R3HDM1: variants seen among roughly 807,000 people sequenced by gnomAD.
R3HDM1 encodes the protein R3H domain containing 1.
Under a neutral mutation model 141.1 loss-of-function variants are expected in R3HDM1, and 46 were observed. The ratio of observed to expected loss-of-function variants is 0.33; its 90% confidence interval spans 0.26 to 0.42. The LOEUF (loss-of-function observed/expected upper bound fraction) is 0.42, where lower values mean the gene tolerates loss of function less well. Ranked by LOEUF, R3HDM1 falls within the 10% of genes least tolerant of loss-of-function variation. The probability of loss-of-function intolerance (pLI) is 1.00; values close to 1 mark genes in which losing one functional copy is unlikely to be tolerated. For synonymous variants in R3HDM1, 435 were observed against 472.9 expected, an observed-to-expected ratio of 0.92 and a Z score of 1.04; for missense variants, 1,184 against 1,368.3, an observed-to-expected ratio of 0.87 and a Z score of 2.12.
intron 1 of R3HDM1, 190 bp downstream of exon 1, chr2:135,531,823 G>T: frequency 1.0e-6 from 1 of 985,364 alleles, no homozygotes; most frequent in Non-Finnish European, 1.2e-6. Context: ...TCCCGCTGCT[G>T]CCAGCCCGCC....
At chr2:135,551,921 A>C (rs1211905479) in intron 1 of R3HDM1, among the ~76,000 whole-genome samples, 2 of 152,194 alleles carry the variant, frequency 1.3e-5, no homozygotes, top group African/African-American at 4.8e-5. Flanking sequence ...ATGATAGTTC[A>C]TTTGTTGATG....
At chr2:135,629,483 A>C (rs2062414943) in intron 7 of R3HDM1, among the ~76,000 whole-genome samples, 2 of 152,250 alleles carry the variant, frequency 1.3e-5, no homozygotes, top group Non-Finnish European at 2.9e-5. Flanking sequence ...TAATTTTACT[A>C]ATTTATTCCA....
At position 135,651,773 on chromosome 2, in the gene R3HDM1, G is replaced by T; in HGVS notation, c.1769G>T (p.Arg590Leu). Residue 590 changes from arginine (R) to leucine (L), a missense_variant, in exon 18 of 27, where the codon CGC becomes CTC. Coordinates refer to ENST00000683871, the MANE Select transcript of R3HDM1 (RefSeq NM_001378107.1). The part of the protein sequence containing the change: ...GSQFSHMSLA[R>L]QPSADGSDPH... ...CAGTTTAGCCACATGAGTCTTGCTC[G>T]CCAGCCATCTGCTGATGGTTCTGAC... The T allele has an allele frequency of 6.2e-7, 1 of 1,613,444 alleles. No individual in the cohort carries two copies. The highest frequency in any genetic ancestry group is 8.5e-7 in the Non-Finnish European group (1 of 1,179,670).
chr2:135,548,128 C>T (rs759242965), intron 1 of R3HDM1, among the ~76,000 whole-genome samples: 1 of 152,146 alleles, frequency 6.6e-6, no homozygotes, highest in Non-Finnish European at 1.5e-5. Flanking sequence ...AGTACAGAAT[C>T]ATATTCCTTT....
At chr2:135,617,989 G>A (rs913518872) in intron 5 of R3HDM1, among the ~76,000 whole-genome samples, 2 of 152,060 alleles carry the variant, frequency 1.3e-5, no homozygotes, top group Non-Finnish European at 2.9e-5. Context: ...CAGATATTTA[G>A]GATAGTTGTC....
intron 21 of R3HDM1, among the ~76,000 whole-genome samples, chr2:135,691,574 C>A (rs2072379742): frequency 6.6e-6 from 1 of 151,894 alleles, no homozygotes; most frequent in Non-Finnish European, 1.5e-5. Context: ...CCACTTCACT[C>A]CAACAGAGAG....
intron 18 of R3HDM1, among the ~76,000 whole-genome samples, chr2:135,659,397 C>T (rs918951762): frequency 3.9e-4 from 59 of 152,062 alleles, no homozygotes; most frequent in African/African-American, 1.4e-3. Flanking sequence ...TGCCCCTGGC[C>T]CTGAATCTGT....
intron 1 of R3HDM1, among the ~76,000 whole-genome samples, chr2:135,559,917 G>A (rs887846771): frequency 2.0e-5 from 3 of 152,016 alleles, no homozygotes; most frequent in East Asian, 1.9e-4. Context: ...TATGCTATGC[G>A]CAGTAGATAG....
chr2:135,545,667 G>A (rs1698537093), intron 1 of R3HDM1, among the ~76,000 whole-genome samples: 1 of 152,156 alleles, frequency 6.6e-6, no homozygotes, highest in African/African-American at 2.4e-5. Flanking sequence ...TGGAGGTGTG[G>A]TTCTGGGCTG....
chr2:135,538,691 G>A (rs1271377292), intron 1 of R3HDM1, among the ~76,000 whole-genome samples: 1 of 152,146 alleles, frequency 6.6e-6, no homozygotes, highest in African/African-American at 2.4e-5. Flanking sequence ...TTGGCTCACT[G>A]CAACCTCCGC....
chr2:135,710,227 T>A lies in R3HDM1; in HGVS notation c.2732T>A (p.Val911Asp), dbSNP rs2075459599. 1 of 1,612,394 alleles carries A rather than the reference T, an allele frequency of 6.2e-7. No individual in the cohort carries two copies. The highest frequency in any genetic ancestry group is 8.5e-7 in the Non-Finnish European group (1 of 1,178,962). Reference protein sequence around the residue: ...CVEFSSVDNIVQHSPQLSSPI... With the variant: ...CVEFSSVDNIDQHSPQLSSPI... The stretch of plus-strand genomic sequence containing the variant: ...GAATTTAGCAGTGTAGACAATATTG[T>A]CCAGGTAAGATGGTTTTGTTCATTA... Residue 911 changes from valine (V) to aspartate (D), a missense_variant, in exon 23 of 27, where the codon GTC becomes GAC. Val to Asp is a radical substitution (Grantham distance 152). This residue lies in a region of R3HDM1 where 563 missense variants were observed against 562.0 expected (regional missense o/e 1.00). Coordinates refer to ENST00000683871, the MANE Select transcript of R3HDM1 (RefSeq NM_001378107.1).
Position 135,724,087 on chromosome 2 carries a change from G to A in R3HDM1, c.3200G>A (p.Cys1067Tyr), listed in dbSNP as rs1196668315. 1 of 1,613,994 alleles carries A rather than the reference G, an allele frequency of 6.2e-7. No homozygotes were observed. The highest frequency in any genetic ancestry group is 8.5e-7 in the Non-Finnish European group (1 of 1,180,002). ...CAACCACGTCGTCACCCCCTCTGCT[G>A]TGGCAGTGGGGACAACACTGCCAAC... Reference protein sequence around the residue: ...QSQPRRHPLCCGSGDNTANPE... With the variant: ...QSQPRRHPLCYGSGDNTANPE... Residue 1067 changes from cysteine to tyrosine, a missense_variant, in exon 27 of 27, where the codon TGT becomes TAT. Physicochemically the swap from Cys to Tyr is radical, Grantham distance 194. Around this residue, in one of 5 missense-constraint regions of R3HDM1, gnomAD observed 182 missense variants for 252.6 expected, o/e 0.72. Transcript: ENST00000683871.
chr2:135,687,971 A>C lies in R3HDM1; in HGVS notation c.2459+7647A>C, dbSNP rs539678346. Among the ~76,000 whole-genome samples the C allele has an allele frequency of 8.5e-5, 13 of 152,314 alleles. No individual in the cohort carries two copies. In the South Asian group the frequency reaches 2.7e-3, roughly 32 times the overall value. On this transcript the variant is annotated intron_variant, in intron 21 of 26. Coordinates refer to ENST00000683871, the MANE Select transcript of R3HDM1 (RefSeq NM_001378107.1). ...ATTTGCAAATCTGCCTATTTGCTGA[A>C]ATTATTTGTAACCCCTAAATTGATA...
intron 1 of R3HDM1, among the ~76,000 whole-genome samples, chr2:135,547,767 C>CTTTTTTTTTTT (rs56950620): frequency 2.8e-3 from 296 of 107,346 alleles, no homozygotes; most frequent in African/African-American, 6.4e-3. Context: ...TTTTTCTTTT[C>CTTTTTTTTTTT]TTTTTTTTTT....
At chr2:135,650,729 T>C in intron 17 of R3HDM1, 1 of 981,242 alleles carries the variant, frequency 1.0e-6, no homozygotes, top group East Asian at 1.1e-4. Flanking sequence ...AACCATATAT[T>C]TTCAATCATT....
At chr2:135,583,880 C>T (rs1316299134) in intron 1 of R3HDM1, 3 of 985,266 alleles carry the variant, frequency 3.0e-6, no homozygotes, top group Non-Finnish European at 3.6e-6. Context: ...ATAGTTGCCC[C>T]AGTTCCTATC....
intron 19 of R3HDM1, chr2:135,665,307 T>C (rs904978952): frequency 2.2e-6 from 1 of 455,398 alleles, no homozygotes. Context: ...CTAGCTGTTT[T>C]CTGTGTAGCT....
intron 3 of R3HDM1, chr2:135,605,795 C>T (rs1454041130): frequency 6.6e-6 from 1 of 152,296 alleles, no homozygotes; most frequent in Non-Finnish European, 1.5e-5. Context: ...AGCAATTCTC[C>T]TGCCTCAGCC....
chr2:135,543,889 C>G (rs1294507526), intron 1 of R3HDM1, among the ~76,000 whole-genome samples: 1 of 152,158 alleles, frequency 6.6e-6, no homozygotes, highest in African/African-American at 2.4e-5. Context: ...CTTGGTGACC[C>G]TGCAGTGGTC....
Sources: allele counts gnomAD v4.1 joint callset (sites outside exome capture counted in the v4.1 genomes callset), GRCh38; gene constraint gnomAD v4.1.1; regional missense constraint gnomAD v4.1.1; transcripts MANE v1.5; gene names NCBI Gene and HGNC (gene_info 2026-07-23, HGNC 2026-07-21).